The following HEMK2 variants were observed in gnomAD, a reference collection of about 807,000 sequenced individuals.
The protein encoded by HEMK2 is methyltransferase HEMK2.
chr21:28,578,439 C>A, the HEMK2 span, among the ~76,000 whole-genome samples: 2 of 152,312 alleles, frequency 1.3e-5, no homozygotes, highest in Admixed American at 6.5e-5. Flanking sequence ...TGAAACAGGA[C>A]AGACGATATT....
chr21:28,608,365 C>A, the HEMK2 span, among the ~76,000 whole-genome samples: 81 of 140,782 alleles, frequency 5.8e-4, no homozygotes, highest in African/African-American at 2.1e-3. Flanking sequence ...CTATTAGCTT[C>A]AAGGCTAATA....
the HEMK2 span, among the ~76,000 whole-genome samples, chr21:28,732,261 C>T: frequency 6.6e-6 from 1 of 152,212 alleles, no homozygotes; most frequent in African/African-American, 2.4e-5. Context: ...AAAATATTTA[C>T]TTGAATTGCT....
the HEMK2 span, among the ~76,000 whole-genome samples, chr21:28,607,763 G>GA: frequency 6.6e-6 from 1 of 152,318 alleles, no homozygotes; most frequent in South Asian, 2.1e-4. Context: ...ATAAGTGAAT[G>GA]AAGCTATTAC....
At chr21:28,692,942 A>G in the HEMK2 span, among the ~76,000 whole-genome samples, 1 of 152,314 alleles carries the variant, frequency 6.6e-6, no homozygotes, top group East Asian at 1.9e-4. Context: ...TGTTCAAAAT[A>G]GGCGAATCCA....
At chr21:28,829,965 G>A in the HEMK2 span, among the ~76,000 whole-genome samples, 1 of 152,134 alleles carries the variant, frequency 6.6e-6, no homozygotes, top group Non-Finnish European at 1.5e-5. Flanking sequence ...AATCCTAAGA[G>A]GGAGAAGATC....
the HEMK2 span, among the ~76,000 whole-genome samples, chr21:28,877,148 GAGAGAAAGAA>G: frequency 1.7e-4 from 21 of 121,908 alleles, no homozygotes; most frequent in East Asian, 2.6e-3. Flanking sequence ...AGAAGAGAGA[GAGAGAAAGAA>G]AGAGAAAGAA....
At chr21:28,825,478 G>T in the HEMK2 span, among the ~76,000 whole-genome samples, 1 of 152,164 alleles carries the variant, frequency 6.6e-6, no homozygotes, top group Non-Finnish European at 1.5e-5. Context: ...ATGAGCTAGG[G>T]ACCAAAGGCA....
At chr21:28,729,633 C>CAAAA in the HEMK2 span, among the ~76,000 whole-genome samples, 151 of 118,992 alleles carry the variant, frequency 1.3e-3, 1 homozygote, top group African/African-American at 3.9e-3. Context: ...TGCTGATAAG[C>CAAAA]AAAAAAAAAA....
At chr21:28,735,205 A>C in the HEMK2 span, among the ~76,000 whole-genome samples, 4 of 152,024 alleles carry the variant, frequency 2.6e-5, no homozygotes, top group Non-Finnish European at 4.4e-5. Flanking sequence ...TTAACACAAC[A>C]CTCATTTACT....
the HEMK2 span, among the ~76,000 whole-genome samples, chr21:28,869,209 G>A: frequency 6.6e-6 from 1 of 152,148 alleles, no homozygotes; most frequent in South Asian, 2.1e-4. Context: ...ATCCACATCT[G>A]TTGAGGTGAT....
the HEMK2 span, among the ~76,000 whole-genome samples, chr21:28,814,470 T>C: frequency 6.6e-6 from 1 of 151,558 alleles, no homozygotes; most frequent in South Asian, 2.1e-4. Context: ...AGAAAATTTT[T>C]GCAACCTACT....
At chr21:28,838,544 A>G in the HEMK2 span, among the ~76,000 whole-genome samples, 2 of 130,722 alleles carry the variant, frequency 1.5e-5, no homozygotes, top group Non-Finnish European at 3.1e-5. Flanking sequence ...AAAATAAAAA[A>G]AAAAAGGAAG....
chr21:28,808,279 T>C, the HEMK2 span, among the ~76,000 whole-genome samples: 2 of 152,170 alleles, frequency 1.3e-5, no homozygotes, highest in African/African-American at 2.4e-5. Context: ...TCCAACTTTA[T>C]AGTAAGTCTT....
At chr21:28,770,746 C>G in the HEMK2 span, among the ~76,000 whole-genome samples, 1 of 152,110 alleles carries the variant, frequency 6.6e-6, no homozygotes, top group Non-Finnish European at 1.5e-5. Context: ...TTGCCAGATG[C>G]TGACACCTTG....
At chr21:28,630,863 G>A in the HEMK2 span, among the ~76,000 whole-genome samples, 22 of 151,442 alleles carry the variant, frequency 1.5e-4, no homozygotes, top group African/African-American at 4.6e-4. Context: ...ACACCAACAC[G>A]GCACATGTAT....
chr21:28,789,663 G>A, the HEMK2 span, among the ~76,000 whole-genome samples: 77,633 of 152,004 alleles, frequency 0.51, 22,304 homozygotes, highest in East Asian at 0.78. Flanking sequence ...CAAAACAGCC[G>A]ACATGTAGAT....
chr21:28,681,833 G>A, the HEMK2 span, among the ~76,000 whole-genome samples: 1 of 152,032 alleles, frequency 6.6e-6, no homozygotes, highest in African/African-American at 2.4e-5. Flanking sequence ...GGTGCTGGGA[G>A]AACTGGCTAG....
chr21:28,804,147 C>T, the HEMK2 span, among the ~76,000 whole-genome samples: 4 of 152,194 alleles, frequency 2.6e-5, no homozygotes, highest in African/African-American at 7.2e-5. Context: ...TATTTATTAG[C>T]TTTATCTCCA....
the HEMK2 span, among the ~76,000 whole-genome samples, chr21:28,730,413 CACACAT>C: frequency 6.7e-4 from 70 of 103,792 alleles, no homozygotes; most frequent in African/African-American, 2.6e-3. Flanking sequence ...CACACACACA[CACACAT>C]TTCTCACAAT....
Sources: allele counts gnomAD v4.1 joint callset (sites outside exome capture counted in the v4.1 genomes callset), GRCh38; gene constraint gnomAD v4.1.1; transcripts MANE v1.5; gene names NCBI Gene and HGNC (gene_info 2026-07-23, HGNC 2026-07-21).